PEBP4: variants seen among roughly 807,000 people sequenced by gnomAD.
PEBP4 encodes the protein phosphatidylethanolamine-binding protein 4.
PEBP4 carries 22 observed loss-of-function variants against 23.9 expected under a neutral mutation model. The ratio of observed to expected loss-of-function variants is 0.92; its 90% CI spans 0.66 to 1.31. The LOEUF (loss-of-function observed/expected upper bound fraction) is 1.31. PEBP4 is among the 40% of genes most tolerant of loss of function. The pLI, the probability that PEBP4 is intolerant of heterozygous loss-of-function variation, is 0.00. For synonymous variants in PEBP4, 112 were observed against 99.3 expected (o/e 1.13, Z -0.76); for missense variants, 324 against 281.7 (o/e 1.15, Z -1.07).
intron 4 of PEBP4, among the ~76,000 whole-genome samples, chr8:22,748,774 C>T (rs1026869537): frequency 6.6e-6 from 1 of 152,124 alleles, no homozygotes; most frequent in Non-Finnish European, 1.5e-5. Flanking sequence ...CTACGAGGCT[C>T]CCACATGCAG....
chr8:22,883,492 G>C (rs1027495140), intron 3 of PEBP4, among the ~76,000 whole-genome samples: 1 of 151,912 alleles, frequency 6.6e-6, no homozygotes, highest in African/African-American at 2.4e-5. Flanking sequence ...CCTCTCCAGG[G>C]AAGGTTGTAT....
chr8:22,776,745 G>A lies in PEBP4; in HGVS notation c.357+40892C>T, dbSNP rs199893103. On this transcript the variant is annotated intron_variant, in intron 4 of 6. Coordinates refer to ENST00000256404, the MANE Select transcript of PEBP4 (RefSeq NM_144962.3). ...GAGCTAAGTGGCTTGATATGGATGG[G>A]AGAAGGAGAATGGTTGGTAAGCCAT... Among the ~76,000 whole-genome samples the A allele has an allele frequency of 2.0e-5, 3 of 150,534 alleles. No homozygotes were observed. The East Asian group carries it at 5.8e-4, about 29-fold the overall frequency.
At chr8:22,873,591 C>T (rs953197191) in intron 3 of PEBP4, among the ~76,000 whole-genome samples, 4 of 152,142 alleles carry the variant, frequency 2.6e-5, no homozygotes, top group Non-Finnish European at 5.9e-5. Context: ...GTGATTGTGC[C>T]ACTGCACTCC....
At chr8:22,907,841 G>T (rs950663707) in intron 3 of PEBP4, among the ~76,000 whole-genome samples, 10 of 152,144 alleles carry the variant, frequency 6.6e-5, no homozygotes, top group African/African-American at 2.4e-4. Flanking sequence ...AATGACCCAG[G>T]TTGGGAGGAT....
chr8:22,902,401 G>A (rs531196128), intron 3 of PEBP4, among the ~76,000 whole-genome samples: 4 of 152,266 alleles, frequency 2.6e-5, no homozygotes, highest in East Asian at 3.9e-4. Flanking sequence ...TGTCATGTCC[G>A]TAATGGACCA....
At chr8:22,931,902 G>C (rs1224768972), upstream of PEBP4, among the ~76,000 whole-genome samples, 1 of 152,168 alleles carries the variant, frequency 6.6e-6, no homozygotes, top group African/African-American at 2.4e-5. Flanking sequence ...TCTGGTACCT[G>C]GGTCTTACAA....
chr8:22,807,857 C>T (rs909364712), intron 4 of PEBP4, among the ~76,000 whole-genome samples: 5 of 149,004 alleles, frequency 3.4e-5, no homozygotes, highest in East Asian at 2.0e-4. Flanking sequence ...TCCACCCACC[C>T]ACCTACCCAA....
intron 4 of PEBP4, among the ~76,000 whole-genome samples, chr8:22,811,450 C>T (rs1401523332): frequency 2.6e-5 from 4 of 152,182 alleles, no homozygotes; most frequent in African/African-American, 9.7e-5. Context: ...TGAATGGGAG[C>T]AAAAGCATCT....
chr8:22,878,533 C>T (rs1808177555), intron 3 of PEBP4, among the ~76,000 whole-genome samples: 1 of 152,196 alleles, frequency 6.6e-6, no homozygotes, highest in African/African-American at 2.4e-5. Context: ...GTGAGTTACC[C>T]TATTGCTCAT....
chr8:22,890,659 G>A (rs1808475041), intron 3 of PEBP4, among the ~76,000 whole-genome samples: 1 of 152,226 alleles, frequency 6.6e-6, no homozygotes, highest in Non-Finnish European at 1.5e-5. Flanking sequence ...GAGGCCGCCT[G>A]GCAGGTGGCA....
intron 4 of PEBP4, among the ~76,000 whole-genome samples, chr8:22,765,340 CA>C (rs1367120703): frequency 6.6e-6 from 1 of 152,134 alleles, no homozygotes; most frequent in Non-Finnish European, 1.5e-5. Flanking sequence ...GATGGGGTTT[CA>C]CCATATTGGC....
At chr8:22,823,338 A>G (rs938075620) in intron 3 of PEBP4, among the ~76,000 whole-genome samples, 5 of 152,006 alleles carry the variant, frequency 3.3e-5, no homozygotes, top group Admixed American at 3.3e-4. Context: ...GAAAACTTCC[A>G]TATTTAAATA....
At chr8:22,856,252 A>G (rs1807644996) in intron 3 of PEBP4, among the ~76,000 whole-genome samples, 1 of 152,204 alleles carries the variant, frequency 6.6e-6, no homozygotes, top group African/African-American at 2.4e-5. Context: ...GCCAAAAAGC[A>G]CATGAAAAAA....
chr8:22,920,319 A>G lies in PEBP4; in HGVS notation c.132-9T>C. The G allele has an allele frequency of 6.2e-7, 1 of 1,606,984 alleles. No homozygotes were observed. Among genetic ancestry groups the G allele is most frequent in the South Asian group, 1.1e-5 (1 of 90,782 alleles). ...AGAAAACTTCAAGGCCCCTATGAAGAGAGAGGGGAGGTTGCCCTGTGTCAG... is the reference window on the plus strand; with the variant it reads ...AGAAAACTTCAAGGCCCCTATGAAGGGAGAGGGGAGGTTGCCCTGTGTCAG... On this transcript the variant is annotated splice_polypyrimidine_tract_variant and intron_variant, in intron 2 of 6. Transcript: ENST00000256404.
chr8:22,750,366 C>T (rs1014029980), intron 4 of PEBP4, among the ~76,000 whole-genome samples: 1 of 152,220 alleles, frequency 6.6e-6, no homozygotes, highest in Non-Finnish European at 1.5e-5. Flanking sequence ...TCCCAAAGTG[C>T]TGGGATTACA....
intron 4 of PEBP4, among the ~76,000 whole-genome samples, chr8:22,758,991 C>A (rs1023518548): frequency 1.4e-5 from 2 of 148,138 alleles, no homozygotes; most frequent in African/African-American, 4.9e-5. Flanking sequence ...AGGGGAGGAC[C>A]ATCTGCAGGG....
chr8:22,913,216 T>C (rs1808984784), intron 3 of PEBP4, among the ~76,000 whole-genome samples: 2 of 152,096 alleles, frequency 1.3e-5, no homozygotes, highest in African/African-American at 4.8e-5. Context: ...GGTGGCCCCT[T>C]ACCCTGTCCT....
At chr8:22,813,300 A>G (rs866509641) in intron 4 of PEBP4, among the ~76,000 whole-genome samples, 1 of 152,220 alleles carries the variant, frequency 6.6e-6, no homozygotes, top group South Asian at 2.1e-4. Flanking sequence ...TCTTAAAACA[A>G]AAAAGATATT....
chr8:22,783,030 G>A (rs1312509960), intron 4 of PEBP4, among the ~76,000 whole-genome samples: 2 of 152,232 alleles, frequency 1.3e-5, no homozygotes, highest in African/African-American at 4.8e-5. Flanking sequence ...TCAGCCAGAG[G>A]GTACTGGCCA....
Sources: allele counts gnomAD v4.1 joint callset (sites outside exome capture counted in the v4.1 genomes callset), GRCh38; gene constraint gnomAD v4.1.1; transcripts MANE v1.5; gene names NCBI Gene and HGNC (gene_info 2026-07-23, HGNC 2026-07-21).